Variants in ERC2 observed in about 807,000 individuals in gnomAD.
ERC2 encodes the protein ELKS/RAB6-interacting/CAST family member 2.
A neutral mutation model predicts 114.8 loss-of-function variants in ERC2; 42 were observed. The ratio of observed to expected loss-of-function variants is 0.37; its 90% CI spans 0.29 to 0.47. The LOEUF is 0.47. ERC2 is among the 20% of genes least tolerant of loss of function. The pLI, the probability that ERC2 is intolerant of heterozygous loss-of-function variation, is 0.99. For missense variants in ERC2, 939 were observed against 1,150.7 expected (o/e 0.82, Z 2.66); for synonymous variants, 454 against 425.5 (o/e 1.07, Z -0.82).
intron 7 of ERC2, among the ~76,000 whole-genome samples, chr3:56,028,788 ATG>A (rs2074203866): frequency 6.6e-6 from 1 of 152,046 alleles, no homozygotes; most frequent in Non-Finnish European, 1.5e-5. Flanking sequence ...TCAAAAAAGG[ATG>A]ACACTTTTTT....
chr3:56,213,622 C>T (rs2049232753), intron 3 of ERC2, among the ~76,000 whole-genome samples: 1 of 152,202 alleles, frequency 6.6e-6, no homozygotes, highest in Non-Finnish European at 1.5e-5. Context: ...CAGCACAAAC[C>T]TCTGCAGACT....
chr3:56,351,286 G>A (rs1053447007), intron 2 of ERC2, among the ~76,000 whole-genome samples: 7 of 152,042 alleles, frequency 4.6e-5, no homozygotes, highest in South Asian at 2.1e-4. Context: ...AGAACACTGC[G>A]AAGGAAAATT....
intron 14 of ERC2, among the ~76,000 whole-genome samples, chr3:55,745,351 CT>C (rs2066241086): frequency 2.0e-5 from 3 of 152,268 alleles, no homozygotes; most frequent in African/African-American, 7.2e-5. Context: ...TGAAAGGCGA[CT>C]TTTAAAAAGT....
At chr3:55,830,270 A>T (rs1575748476) in intron 14 of ERC2, among the ~76,000 whole-genome samples, 1 of 152,222 alleles carries the variant, frequency 6.6e-6, no homozygotes, top group Non-Finnish European at 1.5e-5. Flanking sequence ...ATGAAACATG[A>T]TAAAGGCAAA....
At chr3:56,149,215 AT>A (rs1184373608) in intron 4 of ERC2, 83 bp from the exon 5 acceptor site, 51 of 1,340,396 alleles carry the variant, frequency 3.8e-5, no homozygotes, top group Non-Finnish European at 1.8e-5. Flanking sequence ...TAAGAAAGTA[AT>A]TTTGGTAGTG....
rs150715911 is a variant in ERC2, at chr3:56,369,865, C to T, written c.657+64486G>A. On this transcript the variant is annotated intron_variant, in intron 2 of 17. Coordinates refer to ENST00000288221, the MANE Select transcript of ERC2 (RefSeq NM_015576.3). ...CTAATTTTTGTATTTTTAGTAGAGACGGGGTTTCACCATTTTGGCCAGGAT... is the reference window on the plus strand; with the variant it reads ...CTAATTTTTGTATTTTTAGTAGAGATGGGGTTTCACCATTTTGGCCAGGAT... Among the ~76,000 whole-genome samples the T allele has an allele frequency of 2.8e-3, 430 of 151,924 alleles. 2 individuals carry two copies. The highest frequency in any genetic ancestry group is 0.01 in the African/African-American group (416 of 41,426).
intron 15 of ERC2, among the ~76,000 whole-genome samples, chr3:55,707,368 G>A (rs860096): frequency 0.53 from 81,208 of 152,048 alleles, 22,791 homozygotes; most frequent in South Asian, 0.73. Flanking sequence ...GAGCACAGAA[G>A]GTTGAGGCTG....
At chr3:56,465,161 G>A (rs1236025155) in intron 1 of ERC2, among the ~76,000 whole-genome samples, 8 of 152,212 alleles carry the variant, frequency 5.3e-5, no homozygotes, top group African/African-American at 1.9e-4. Context: ...CACTTTGGGA[G>A]GCCAAGGCAG....
chr3:55,774,874 G>A (rs543797161), intron 14 of ERC2, among the ~76,000 whole-genome samples: 4 of 152,264 alleles, frequency 2.6e-5, no homozygotes, highest in Admixed American at 6.5e-5. Context: ...AGAATGGCAC[G>A]TTTTACAAGT....
chr3:55,707,028 AAC>A (rs1283137703), intron 15 of ERC2, among the ~76,000 whole-genome samples: 1 of 152,162 alleles, frequency 6.6e-6, no homozygotes. Flanking sequence ...GCATAAACCA[AAC>A]ACCATAGATA....
At chr3:55,900,032 T>C (rs966642899) in intron 13 of ERC2, among the ~76,000 whole-genome samples, 3 of 152,138 alleles carry the variant, frequency 2.0e-5, no homozygotes, top group Admixed American at 1.3e-4. Context: ...CAGCTAACTT[T>C]AGCCAAAATG....
intron 17 of ERC2, among the ~76,000 whole-genome samples, chr3:55,536,715 T>G (rs2054022055): frequency 6.6e-6 from 1 of 152,094 alleles, no homozygotes. Context: ...GTGTGGGAAA[T>G]AACTGAAGGG....
At chr3:56,291,677 G>A (rs1002034294) in intron 3 of ERC2, among the ~76,000 whole-genome samples, 2 of 152,082 alleles carry the variant, frequency 1.3e-5, no homozygotes, top group African/African-American at 4.8e-5. Flanking sequence ...ATGAAATCAG[G>A]AACACACTGA....
chr3:55,670,561 A>G (rs554101082), intron 17 of ERC2, among the ~76,000 whole-genome samples: 2 of 152,342 alleles, frequency 1.3e-5, no homozygotes, highest in South Asian at 4.1e-4. Flanking sequence ...GGAGTCAGAC[A>G]TACCTGGGTT....
intron 17 of ERC2, among the ~76,000 whole-genome samples, chr3:55,571,906 C>T (rs2056734771): frequency 1.3e-5 from 2 of 152,196 alleles, no homozygotes; most frequent in Admixed American, 1.3e-4. Context: ...ACAAAAACTT[C>T]CTGGATACTG....
chr3:55,996,650 G>A (rs780927149), intron 10 of ERC2, among the ~76,000 whole-genome samples: 10 of 152,056 alleles, frequency 6.6e-5, no homozygotes, highest in Non-Finnish European at 1.2e-4. Context: ...AAATGTCCCC[G>A]CAAATGGGAA....
intron 2 of ERC2, among the ~76,000 whole-genome samples, chr3:56,368,185 T>TAAAAAA (rs71294729): frequency 3.6e-5 from 5 of 137,786 alleles, no homozygotes; most frequent in Admixed American, 1.4e-4. Context: ...CTTTTTTTTT[T>TAAAAAA]AAAAAAAAAA....
intron 13 of ERC2, among the ~76,000 whole-genome samples, chr3:55,891,540 G>A (rs182982772): frequency 3.3e-4 from 48 of 143,482 alleles, no homozygotes; most frequent in African/African-American, 1.1e-3. Context: ...TCTGCCTCCC[G>A]GGTTCAAGTG....
chr3:55,617,753 T>G (rs2059179579), intron 17 of ERC2, among the ~76,000 whole-genome samples: 1 of 152,180 alleles, frequency 6.6e-6, no homozygotes, highest in Non-Finnish European at 1.5e-5. Context: ...GTCAGACCCC[T>G]CAAATGACCA....
Sources: gnomAD v4.1 joint callset for allele counts (sites outside exome capture counted in the v4.1 genomes callset) on GRCh38, gnomAD v4.1.1 for gene constraint, MANE v1.5 for transcripts, NCBI Gene and HGNC (gene_info 2026-07-23, HGNC 2026-07-21) for gene names.